Variants in SRGAP2 observed in about 807,000 individuals in gnomAD.
SRGAP2 encodes the protein SLIT-ROBO Rho GTPase-activating protein 2.
Under a neutral mutation model 57.2 loss-of-function variants are expected in SRGAP2, and 15 were observed. That is an observed-to-expected ratio of 0.26 (90% CI 0.18 to 0.40). The LOEUF is 0.40. SRGAP2 is among the 10% of genes least tolerant of loss of function. The probability of loss-of-function intolerance (pLI) is 1.00; values close to 1 mark genes in which losing one functional copy is unlikely to be tolerated. For synonymous variants in SRGAP2, 249 were observed against 248.0 expected (o/e 1.00, Z -0.04); for missense variants, 520 against 669.6 (o/e 0.78, Z 2.47).
chr1:206,340,347 GTCTT>G (rs1675090580), intron 3 of SRGAP2, among the ~76,000 whole-genome samples: 1 of 139,150 alleles, frequency 7.2e-6, no homozygotes, highest in Non-Finnish European at 1.5e-5. Flanking sequence ...TTTACTATAG[GTCTT>G]TCTTTGTCTC....
intron 10 of SRGAP2, among the ~76,000 whole-genome samples, chr1:206,414,012 A>ACTTTT (rs568660156): frequency 2.6e-4 from 39 of 150,492 alleles, no homozygotes; most frequent in African/African-American, 9.5e-4. Context: ...ACATTTGTTC[A>ACTTTT]CTTTTCTTTT....
At chr1:206,233,366 G>A (rs1160775638) in intron 2 of SRGAP2, among the ~76,000 whole-genome samples, 2 of 152,198 alleles carry the variant, frequency 1.3e-5, no homozygotes, top group African/African-American at 4.8e-5. Flanking sequence ...TTGAAAAACA[G>A]GACAGCAGCT....
intron 3 of SRGAP2, chr1:206,333,310 C>G: frequency 1.7e-6 from 2 of 1,212,048 alleles, no homozygotes; most frequent in South Asian, 1.2e-5. Context: ...GGCTCCTCCC[C>G]CCTACACTGA....
rs544312032 is a variant in SRGAP2 at position 206,453,063 on chromosome 1, A to G, written c.2180-137A>G. The G allele has an allele frequency of 5.5e-5, 24 of 440,208 alleles. No individual in the cohort carries two copies. The Admixed American group carries it at 8.5e-4, about 16-fold the overall frequency. 27.3% of individuals were successfully genotyped at this position (440,208 alleles called of 1,614,324 possible). On this transcript the variant is annotated intron_variant, in intron 19 of 22. Coordinates refer to ENST00000573034, the MANE Select transcript of SRGAP2 (RefSeq NM_015326.5). ...AGTCTGCGTGAGAATTACTTGCTTT[A>G]TAGATCATCCATGGCTTCGTTTTCC...
intron 2 of SRGAP2, among the ~76,000 whole-genome samples, chr1:206,264,351 AATG>A (rs1266295948): frequency 6.6e-5 from 10 of 152,288 alleles, no homozygotes; most frequent in Admixed American, 1.3e-4. Flanking sequence ...AAGGAAATAG[AATG>A]ATAACATATT....
intron 4 of SRGAP2, among the ~76,000 whole-genome samples, chr1:206,353,760 T>G (rs1488094847): frequency 1.3e-5 from 2 of 149,752 alleles, no homozygotes; most frequent in East Asian, 3.8e-4. Flanking sequence ...TCACCTAAGA[T>G]GCTATAAATG....
chr1:206,209,805 T>A, intron 2 of SRGAP2, among the ~76,000 whole-genome samples: 1 of 151,238 alleles, frequency 6.6e-6, no homozygotes. Flanking sequence ...GTATAACCTA[T>A]GTACACACGT....
Position 206,422,728 on chromosome 1 carries a change from G to A in SRGAP2, c.1494+1454G>A, listed in dbSNP as rs574873497. Among the ~76,000 whole-genome samples the A allele has an allele frequency of 9.5e-4, 144 of 152,302 alleles. 1 individual carries two copies. Among genetic ancestry groups the A allele is most frequent in the African/African-American group, 3.0e-3 (126 of 41,568 alleles). On this transcript the variant is annotated intron_variant, in intron 13 of 22. Transcript: ENST00000573034. ...TGGCAGGTGATATGTGCCCTTGGTT[G>A]GGCTCACTGTTGGAGGGGAACAGCA...
chr1:206,452,837 G>C lies in SRGAP2; in HGVS notation c.2180-363G>C, dbSNP rs964853679. ...GGAGGCAGAGGTTGCAGTGAGCCAAGATCGAGCCACTGCACTCCAGCCTGA... is the reference window on the plus strand; with the variant it reads ...GGAGGCAGAGGTTGCAGTGAGCCAACATCGAGCCACTGCACTCCAGCCTGA... On this transcript the variant is annotated intron_variant, in intron 19 of 22. Transcript: ENST00000573034. Among the ~76,000 whole-genome samples the C allele has an allele frequency of 1.0e-4, 13 of 128,578 alleles. No homozygotes were observed. The Admixed American group carries it at 1.2e-3, about 12-fold the overall frequency. 84.4% of individuals were successfully genotyped at this position (128,578 alleles called of 152,430 possible).
intron 3 of SRGAP2, among the ~76,000 whole-genome samples, chr1:206,317,887 T>C (rs572905747): frequency 6.6e-6 from 1 of 151,906 alleles, no homozygotes; most frequent in East Asian, 1.9e-4. Flanking sequence ...TCTTAATATA[T>C]TTAGGGTGCA....
At chr1:206,412,461 C>T (rs1229579280) in intron 10 of SRGAP2, among the ~76,000 whole-genome samples, 1 of 152,202 alleles carries the variant, frequency 6.6e-6, no homozygotes, top group African/African-American at 2.4e-5. Context: ...AAAATATTAC[C>T]TGTTCTTTTG....
Position 206,437,973 on chromosome 1 carries a change from C to T in SRGAP2, c.1643C>T (p.Pro548Leu). The T allele has an allele frequency of 1.3e-6, 1 of 780,804 alleles. No homozygotes were observed. Among genetic ancestry groups the T allele is most frequent in the Non-Finnish European group, 2.4e-6 (1 of 417,934 alleles). 48.4% of individuals were successfully genotyped at this position (780,804 alleles called of 1,614,324 possible). The part of the protein sequence containing the change: ...IKNAFERGED[P>L]LAGDQNDHDM... Reference sequence around the variant, plus strand: ...GGTTGCTTATCCTCAGGAGAGGACCCCCTGGCTGGGGACCAGAACGACCAT... The same window carrying T: ...GGTTGCTTATCCTCAGGAGAGGACCTCCTGGCTGGGGACCAGAACGACCAT... Residue 548 changes from proline (P) to leucine (L), a missense_variant, in exon 16 of 23, where the codon CCC becomes CTC. Coordinates refer to ENST00000573034, the MANE Select transcript of SRGAP2 (RefSeq NM_015326.5).
chr1:206,267,840 T>C (rs868932154), intron 2 of SRGAP2, among the ~76,000 whole-genome samples: 1 of 150,568 alleles, frequency 6.6e-6, no homozygotes, highest in Non-Finnish European at 1.5e-5. Flanking sequence ...AGTAAGAATT[T>C]AGTGGATGGG....
Position 206,454,020 on chromosome 1 carries a change from T to C in SRGAP2, c.2360+640T>C, listed in dbSNP as rs1413503138. 1.0e-5 allele frequency: 7 copies of C among 669,924 alleles called. No homozygotes were observed. In the African/African-American group the frequency reaches 1.1e-4, roughly 10 times the overall value. 41.5% of individuals were successfully genotyped at this position (669,924 alleles called of 1,614,324 possible). A position where few individuals can be genotyped will look rare whatever the true frequency, so the allele number is the denominator to read the frequency against. On this transcript the variant is annotated intron_variant, in intron 20 of 22. Transcript: ENST00000573034. The surrounding 1 kb of genome is among the most constrained non-coding windows in gnomAD (Gnocchi z 4.3). Reference sequence around the variant, plus strand: ...GGTTGATTCTCACACTTTGAAGCAGTTGTCCCGTGGGCCCACCCAAGCCTG... The same window carrying C: ...GGTTGATTCTCACACTTTGAAGCAGCTGTCCCGTGGGCCCACCCAAGCCTG...
intron 17 of SRGAP2, among the ~76,000 whole-genome samples, chr1:206,441,734 ACT>A (rs569962529): frequency 1.4e-4 from 22 of 152,126 alleles, no homozygotes; most frequent in African/African-American, 5.3e-4. Flanking sequence ...GGTGATACTG[ACT>A]CTGCAGTCCC....
rs191934195 is a variant in SRGAP2 at position 206,454,451 on chromosome 1, C to T, written c.2361-427C>T. Reference sequence around the variant, plus strand: ...GTGTGGCGGTGTCCTGCCACGACGCCGCCGTCTCCAGAGCCACCACACAGT... The same window carrying T: ...GTGTGGCGGTGTCCTGCCACGACGCTGCCGTCTCCAGAGCCACCACACAGT... On this transcript the variant is annotated intron_variant, in intron 20 of 22. Coordinates refer to ENST00000573034, the MANE Select transcript of SRGAP2 (RefSeq NM_015326.5). The surrounding 1 kb of genome is among the most constrained non-coding windows in gnomAD (Gnocchi z 4.3). 1.6e-5 allele frequency: 8 copies of T among 486,962 alleles called. No individual in the cohort carries two copies. The highest frequency in any genetic ancestry group is 2.5e-5 in the Non-Finnish European group (7 of 274,758). The allele number at this position is 486,962 out of a possible 1,614,324, so 30.2% of individuals were successfully genotyped here.
At chr1:206,459,772 G>C (rs1664114329) in intron 22 of SRGAP2, among the ~76,000 whole-genome samples, 1 of 152,190 alleles carries the variant, frequency 6.6e-6, no homozygotes, top group Non-Finnish European at 1.5e-5. Context: ...GGCTGGGCAT[G>C]GTCTCTCTTG....
At chr1:206,348,355 C>T (rs1258977814) in intron 4 of SRGAP2, among the ~76,000 whole-genome samples, 1 of 147,420 alleles carries the variant, frequency 6.8e-6, no homozygotes, top group Non-Finnish European at 1.5e-5. Flanking sequence ...TTGTTTAATG[C>T]GGTGGCTTCA....
intron 2 of SRGAP2, among the ~76,000 whole-genome samples, chr1:206,240,102 A>G (rs1668121244): frequency 6.6e-6 from 1 of 151,970 alleles, no homozygotes; most frequent in Non-Finnish European, 1.5e-5. Context: ...TGTCTCTACT[A>G]AAAATACAAA....
Sources: allele counts gnomAD v4.1 joint callset (sites outside exome capture counted in the v4.1 genomes callset), GRCh38; gene constraint gnomAD v4.1.1; non-coding constraint Gnocchi (gnomAD v3.1); transcripts MANE v1.5; gene names NCBI Gene and HGNC (gene_info 2026-07-23, HGNC 2026-07-21).